The following ASIC2 variants were observed in gnomAD, a reference collection of about 807,000 sequenced individuals.
ASIC2 encodes acid-sensing ion channel 2.
ASIC2 carries 25 observed loss-of-function variants against 57.3 expected under a neutral mutation model. The observed-to-expected ratio is 0.44, with a 90% confidence interval of 0.32 to 0.61. ASIC2 has a LOEUF of 0.61. Among genes scored for constraint, ASIC2 ranks in the 20% least tolerant of loss-of-function variants. The pLI is 0.06. For synonymous variants in ASIC2, 319 were observed against 307.5 expected (o/e 1.04, Z -0.39); for missense variants, 641 against 738.1 (o/e 0.87, Z 1.52).
At chr17:33,588,577 T>G (rs1567662004) in intron 1 of ASIC2, among the ~76,000 whole-genome samples, 1 of 152,228 alleles carries the variant, frequency 6.6e-6, no homozygotes, top group East Asian at 1.9e-4. Context: ...AGGGTAGCAC[T>G]CCTGCTCTCT....
chr17:33,999,420 T>G (rs1906265224), intron 1 of ASIC2, among the ~76,000 whole-genome samples: 1 of 152,186 alleles, frequency 6.6e-6, no homozygotes. Flanking sequence ...TTCTGATTGT[T>G]TTGTAGTTTC....
At chr17:34,069,996 T>G (rs1909337494) in intron 1 of ASIC2, 2 of 152,100 alleles carry the variant, frequency 1.3e-5, no homozygotes, top group African/African-American at 2.4e-5. Flanking sequence ...AATTTGTACA[T>G]GCTTGGCCCA....
intron 1 of ASIC2, among the ~76,000 whole-genome samples, chr17:33,206,257 G>C (rs909894359): frequency 1.3e-5 from 2 of 152,158 alleles, no homozygotes; most frequent in Non-Finnish European, 2.9e-5. Context: ...TGATGAGGTC[G>C]AAGGAGCCAG....
At chr17:33,735,014 A>G (rs1206296283) in intron 1 of ASIC2, among the ~76,000 whole-genome samples, 7 of 152,116 alleles carry the variant, frequency 4.6e-5, no homozygotes, top group Admixed American at 3.9e-4. Flanking sequence ...CAGAGACTGC[A>G]CTTCGCTGTT....
intron 1 of ASIC2, among the ~76,000 whole-genome samples, chr17:33,835,650 T>A (rs536693323): frequency 1.1e-3 from 173 of 152,318 alleles, no homozygotes; most frequent in Non-Finnish European, 2.1e-3. Context: ...CTAGTCTATC[T>A]GATTTCAAAT....
intron 1 of ASIC2, among the ~76,000 whole-genome samples, chr17:33,808,605 A>T (rs1912332633): frequency 2.0e-5 from 3 of 152,208 alleles, no homozygotes. Flanking sequence ...GAATCTATGG[A>T]TCAAGTTGGG....
chr17:33,856,543 G>A (rs1913956140), intron 1 of ASIC2, among the ~76,000 whole-genome samples: 1 of 127,608 alleles, frequency 7.8e-6, no homozygotes, highest in Middle Eastern at 4.0e-3. Context: ...GGTAGTAGTG[G>A]CAGTAGCAGC....
At chr17:33,109,444 C>A (rs1178314542) in intron 2 of ASIC2, among the ~76,000 whole-genome samples, 1 of 152,110 alleles carries the variant, frequency 6.6e-6, no homozygotes, top group Non-Finnish European at 1.5e-5. Context: ...TGCTTTAAAC[C>A]CGTTCTTCAT....
chr17:33,290,673 T>TA (rs1597668191), intron 1 of ASIC2: 2 of 152,178 alleles, frequency 1.3e-5, no homozygotes, highest in African/African-American at 4.8e-5. Flanking sequence ...GACCCACACT[T>TA]ACATTTTATG....
At chr17:33,265,954 G>A (rs1909442807) in intron 1 of ASIC2, among the ~76,000 whole-genome samples, 1 of 152,134 alleles carries the variant, frequency 6.6e-6, no homozygotes, top group Non-Finnish European at 1.5e-5. Context: ...GCCCACCTGA[G>A]CTGGCCCCAC....
At chr17:33,493,232 T>A (rs1913816669) in intron 1 of ASIC2, among the ~76,000 whole-genome samples, 1 of 152,232 alleles carries the variant, frequency 6.6e-6, no homozygotes, top group African/African-American at 2.4e-5. Context: ...AGTCTTCACC[T>A]TTGCTCTGTA....
chr17:33,955,279 C>T (rs1904698571), intron 1 of ASIC2: 1 of 152,242 alleles, frequency 6.6e-6, no homozygotes, highest in Non-Finnish European at 1.5e-5. Context: ...ATGTGTTCAT[C>T]ATTAAGTTAC....
At chr17:33,930,700 G>T (rs1915912462) in intron 1 of ASIC2, among the ~76,000 whole-genome samples, 1 of 152,216 alleles carries the variant, frequency 6.6e-6, no homozygotes, top group African/African-American at 2.4e-5. Flanking sequence ...CACTGCAGGG[G>T]TGTGTCGAAG....
intron 2 of ASIC2, among the ~76,000 whole-genome samples, chr17:33,103,842 C>T (rs1021293405): frequency 2.0e-5 from 3 of 152,110 alleles, no homozygotes; most frequent in African/African-American, 4.8e-5. Flanking sequence ...CTCCAAGTCC[C>T]GAGTTTGTAA....
intron 1 of ASIC2, among the ~76,000 whole-genome samples, chr17:33,444,942 G>A (rs560742748): frequency 6.6e-6 from 1 of 152,296 alleles, no homozygotes; most frequent in South Asian, 2.1e-4. Flanking sequence ...ACATTCATTT[G>A]TTTACATACT....
At chr17:33,043,882 G>A (rs767096720) in intron 3 of ASIC2, among the ~76,000 whole-genome samples, 6 of 152,108 alleles carry the variant, frequency 3.9e-5, no homozygotes, top group East Asian at 1.9e-4. Context: ...GGTTGGAAGC[G>A]AAGTTGCAGT....
chr17:33,586,026 T>C (rs1904617985), intron 1 of ASIC2, among the ~76,000 whole-genome samples: 1 of 152,058 alleles, frequency 6.6e-6, no homozygotes, highest in African/African-American at 2.4e-5. Context: ...CTTGTCTCAG[T>C]TGGTGTGCAG....
intron 1 of ASIC2, among the ~76,000 whole-genome samples, chr17:33,298,610 C>T (rs1042954987): frequency 6.6e-6 from 1 of 152,112 alleles, no homozygotes; most frequent in African/African-American, 2.4e-5. Context: ...TGGGTATATA[C>T]CCAGTAATGG....
At position 33,803,663 on chromosome 17, in the gene ASIC2, T is replaced by C. The variant is rs542247655; in HGVS notation, c.555+352315A>G. 2.3e-3 allele frequency among the ~76,000 whole-genome samples: 344 copies of C among 151,306 alleles called. 3 individuals carry two copies. The highest frequency in any genetic ancestry group is 7.8e-3 in the African/African-American group (322 of 41,252). On this transcript the variant is annotated intron_variant, in intron 1 of 9. Transcript: ENST00000359872. ...CACAAGAACGGGAATCTGTTTCCTC[T>C]GAAAGAAAATTCATTTCACCCACAA...
Sources: gnomAD v4.1 joint callset for allele counts (sites outside exome capture counted in the v4.1 genomes callset) on GRCh38, gnomAD v4.1.1 for gene constraint, MANE v1.5 for transcripts, NCBI Gene and HGNC (gene_info 2026-07-23, HGNC 2026-07-21) for gene names.